The following CCDC30 variants were observed in gnomAD, a reference collection of about 807,000 sequenced individuals.
CCDC30 encodes coiled-coil domain-containing protein 30.
CCDC30 carries 70 observed loss-of-function variants against 100.2 expected under a neutral mutation model. The ratio of observed to expected loss-of-function variants is 0.70; its 90% CI spans 0.58 to 0.85. The LOEUF (loss-of-function observed/expected upper bound fraction) is 0.85, where lower values mean the gene tolerates loss of function less well. Ranked by LOEUF, CCDC30 falls within the 40% of genes least tolerant of loss-of-function variation. The pLI is 0.00. For missense variants in CCDC30, 652 were observed against 771.2 expected (o/e 0.85, Z 1.83); for synonymous variants, 233 against 269.5 (o/e 0.86, Z 1.33).
chr1:42,640,646 C>A (rs1367195670), intron 12 of CCDC30, among the ~76,000 whole-genome samples: 1 of 151,708 alleles, frequency 6.6e-6, no homozygotes, highest in Admixed American at 6.6e-5. Flanking sequence ...GTAATTCTAG[C>A]ACTTTGGGAG....
At chr1:42,649,924 AC>A (rs1648188663) in intron 15 of CCDC30, among the ~76,000 whole-genome samples, 1 of 152,208 alleles carries the variant, frequency 6.6e-6, no homozygotes, top group Admixed American at 6.5e-5. Flanking sequence ...AAACTACAAA[AC>A]TTTGATGAAA....
At chr1:42,518,078 A>C (rs1158648781) in intron 6 of CCDC30, among the ~76,000 whole-genome samples, 1 of 152,322 alleles carries the variant, frequency 6.6e-6, no homozygotes, top group East Asian at 1.9e-4. Flanking sequence ...TTACATTGTA[A>C]CAATAGTTTT....
At chr1:42,571,997 A>G (rs1645742922) in intron 7 of CCDC30, among the ~76,000 whole-genome samples, 1 of 152,238 alleles carries the variant, frequency 6.6e-6, no homozygotes, top group Non-Finnish European at 1.5e-5. Context: ...CTTTTTAAAG[A>G]GTGCTGCAAT....
rs1643906463 is a variant in CCDC30 at position 42,478,355 on chromosome 1, G to T, written c.-91-2106G>T. 2.0e-5 allele frequency among the ~76,000 whole-genome samples: 3 copies of T among 152,160 alleles called. No homozygotes were observed. In the South Asian group the frequency reaches 6.2e-4, roughly 31 times the overall value. ...GATGAACTGATTTATTAATGAAAAG[G>T]AATCTATCAAACAAATTGAGAATGG... On this transcript the variant is annotated intron_variant, in intron 1 of 16. Coordinates refer to ENST00000668663, the Ensembl canonical transcript of CCDC30.
At chr1:42,595,749 G>A (rs1205181563) in intron 10 of CCDC30, among the ~76,000 whole-genome samples, 1 of 151,932 alleles carries the variant, frequency 6.6e-6, no homozygotes, top group Non-Finnish European at 1.5e-5. Context: ...GGGATCTTGG[G>A]GTTTGGCAAA....
At chr1:42,600,264 A>G (rs896389277) in intron 10 of CCDC30, among the ~76,000 whole-genome samples, 1 of 152,230 alleles carries the variant, frequency 6.6e-6, no homozygotes, top group Admixed American at 6.5e-5. Flanking sequence ...TTTAATATGT[A>G]TGTGCCTAAA....
chr1:42,632,841 T>C (rs1436840622), intron 11 of CCDC30, among the ~76,000 whole-genome samples: 1 of 152,086 alleles, frequency 6.6e-6, no homozygotes, highest in African/African-American at 2.4e-5. Flanking sequence ...GAGACAGCCT[T>C]GCTCTGTTGC....
At chr1:42,535,850 AT>A (rs1171985760) in intron 6 of CCDC30, among the ~76,000 whole-genome samples, 1 of 146,994 alleles carries the variant, frequency 6.8e-6, no homozygotes, top group African/African-American at 2.5e-5. Context: ...TTATCTCCTA[AT>A]AGGTTTTTTT....
chr1:42,459,548 AC>A, upstream of CCDC30: 1 of 1,401,374 alleles, frequency 7.1e-7, no homozygotes, highest in Non-Finnish European at 9.9e-7. Context: ...CATGAGATTG[AC>A]CTGGTAGGTA....
chr1:42,534,274 G>A (rs996659667), intron 6 of CCDC30, among the ~76,000 whole-genome samples: 4 of 151,984 alleles, frequency 2.6e-5, no homozygotes, highest in African/African-American at 9.7e-5. Flanking sequence ...TTGTACTGAA[G>A]CATCTCAGGT....
upstream of CCDC30, among the ~76,000 whole-genome samples, chr1:42,462,529 A>G (rs560560699): frequency 6.6e-6 from 1 of 152,334 alleles, no homozygotes; most frequent in South Asian, 2.1e-4. Flanking sequence ...TTTGTGAAGT[A>G]TTCTCTTGGG....
At chr1:42,476,727 ATTATAC>A (rs79838932) in intron 1 of CCDC30, among the ~76,000 whole-genome samples, 33,331 of 150,300 alleles carry the variant, frequency 0.22, 4,728 homozygotes, top group Non-Finnish European at 0.31. Context: ...AGGTGCTGTT[ATTATAC>A]TTATTATTAT....
intron 6 of CCDC30, among the ~76,000 whole-genome samples, chr1:42,506,964 T>C (rs1644404163): frequency 6.6e-6 from 1 of 152,218 alleles, no homozygotes; most frequent in South Asian, 2.1e-4. Flanking sequence ...TTTGCTCTTG[T>C]TGCCCAGGCT....
At chr1:42,477,522 A>G (rs1435341143) in intron 1 of CCDC30, among the ~76,000 whole-genome samples, 2 of 152,128 alleles carry the variant, frequency 1.3e-5, no homozygotes, top group African/African-American at 2.4e-5. Context: ...TGTTTTTGCA[A>G]TATAAATTAG....
In CCDC30 at chr1:42,575,071, A is replaced by G. The variant is rs1570115907; in HGVS notation, c.637-1949A>G. On this transcript the variant is annotated intron_variant, in intron 7 of 16. Transcript: ENST00000668663. ...CAATTAAATTTTAGATTCATTTTAT[A>G]TAATCTGATTGGTTAATATAGAGAA... 2.6e-5 allele frequency among the ~76,000 whole-genome samples: 4 copies of G among 152,216 alleles called. 1 individual carries two copies. The South Asian group carries it at 6.2e-4, about 24-fold the overall frequency.
chr1:42,485,455 A>C (rs1423467198), intron 3 of CCDC30, among the ~76,000 whole-genome samples: 4 of 152,202 alleles, frequency 2.6e-5, no homozygotes, highest in Admixed American at 2.6e-4. Context: ...CAGAATATGT[A>C]ACAAATTCTT....
chr1:42,602,294 T>A (rs1264922302), intron 10 of CCDC30, among the ~76,000 whole-genome samples: 2 of 151,252 alleles, frequency 1.3e-5, no homozygotes, highest in Admixed American at 6.6e-5. Context: ...AAAAAAAAAA[T>A]TTTGAAGAAA....
At chr1:42,587,801 G>GA (rs1247064116) in intron 9 of CCDC30, among the ~76,000 whole-genome samples, 1 of 152,152 alleles carries the variant, frequency 6.6e-6, no homozygotes, top group African/African-American at 2.4e-5. Context: ...TAAGTCCAGA[G>GA]AACCTTGGTC....
chr1:42,629,518 CTTG>C, intron 11 of CCDC30, among the ~76,000 whole-genome samples: 1 of 152,170 alleles, frequency 6.6e-6, no homozygotes, highest in African/African-American at 2.4e-5. Context: ...GTTAAATCTT[CTTG>C]TTGTTCTATA....
Sources: gnomAD v4.1 joint callset for allele counts (sites outside exome capture counted in the v4.1 genomes callset) on GRCh38, gnomAD v4.1.1 for gene constraint, MANE v1.5 for transcripts, NCBI Gene and HGNC (gene_info 2026-07-23, HGNC 2026-07-21) for gene names.